The following ATG2B variants were observed in gnomAD, a reference collection of about 807,000 sequenced individuals.
ATG2B encodes autophagy-related protein 2 homolog B.
Under a neutral mutation model 241.3 loss-of-function variants are expected in ATG2B, and 121 were observed. The observed-to-expected ratio is 0.50, with a 90% CI of 0.43 to 0.58. The LOEUF is 0.58. Among genes scored for constraint, ATG2B ranks in the 20% least tolerant of loss-of-function variants. ATG2B has a pLI of 0.00. For synonymous variants in ATG2B, 858 were observed against 876.6 expected, an observed-to-expected ratio of 0.98 and a Z score of 0.37; for missense variants, 2,306 against 2,491.6, an observed-to-expected ratio of 0.93 and a Z score of 1.59.
rs1248347981 is a variant in ATG2B at position 96,340,089 on chromosome 14, TATATGCTATATAGA to T, written c.924+1419_924+1432del. Among the ~76,000 whole-genome samples, 62 of 105,282 alleles carry T rather than the reference TATATGCTATATAGA, an allele frequency of 5.9e-4. 11 individuals are homozygous for T. The Admixed American group carries it at 5.9e-3, about 10-fold the overall frequency. 69.1% of individuals were successfully genotyped at this position (105,282 alleles called of 152,430 possible). On this transcript the variant is annotated intron_variant, in intron 6 of 41. Transcript: ENST00000359933. ...CTATATGTGATATGATATATATGAA[TATATGCTATATAGA>T]ATATATGATATATATGAATATATAT...
intron 1 of ATG2B, among the ~76,000 whole-genome samples, chr14:96,360,910 A>T (rs4905485): frequency 0.33 from 47,129 of 142,368 alleles, 9,033 homozygotes; most frequent in Non-Finnish European, 0.43. Flanking sequence ...TTTGGCAACA[A>T]AGCAAGAGAA....
chr14:96,344,815 C>T, intron 3 of ATG2B, 59 bp from the exon 4 acceptor site: 3 of 704,370 alleles, frequency 4.3e-6, no homozygotes, highest in Non-Finnish European at 6.7e-6. Context: ...ATAAAAACCT[C>T]CAAAGAAATA....
chr14:96,352,070 G>A (rs1314213813), intron 1 of ATG2B, among the ~76,000 whole-genome samples: 1 of 152,126 alleles, frequency 6.6e-6, no homozygotes, highest in Non-Finnish European at 1.5e-5. Flanking sequence ...ATGCATCACA[G>A]AAGGACATCT....
At chr14:96,317,940 G>T in intron 18 of ATG2B, 85 bp from the exon 19 acceptor site, 1 of 1,021,228 alleles carries the variant, frequency 9.8e-7, no homozygotes, top group South Asian at 2.4e-5. Flanking sequence ...TTAAAAGATC[G>T]TATGAACAAT....
At chr14:96,340,007 C>T (rs967141888) in intron 6 of ATG2B, among the ~76,000 whole-genome samples, 6 of 148,738 alleles carry the variant, frequency 4.0e-5, no homozygotes, top group Non-Finnish European at 6.0e-5. Flanking sequence ...AGCTGCACTG[C>T]CATGTTTACA....
At chr14:96,315,308 TAAA>T in intron 22 of ATG2B, 73 bp downstream of exon 22, 1 of 1,584,500 alleles carries the variant, frequency 6.3e-7, no homozygotes, top group Non-Finnish European at 8.6e-7. Context: ...TCCAAGAAAA[TAAA>T]TATGTTGCCT....
rs1411373813 is a variant in ATG2B, at chr14:96,290,550, C to T, written c.5742G>A (p.Gln1914=). 3 of 1,614,100 alleles carry T rather than the reference C, an allele frequency of 1.9e-6. No homozygotes were observed. The highest frequency in any genetic ancestry group is 1.3e-5 in the African/African-American group (1 of 74,934). ...LKDLVWLPIE[Q]YRKDGRIVRG... ...TGACAATGCGGCCATCCTTCCGGTA[C>T]TGCTCTATTGGGAGCCAGACCAAGT... The change falls in exon 40 of 42, where the codon CAG becomes CAA. Residue 1914 remains glutamine (Q), a synonymous_variant. Transcript: ENST00000359933. This position sits in a 1 kb window ranked among gnomAD's most constrained non-coding sequence, Gnocchi z 4.4.
intron 38 of ATG2B, 77 bp downstream of exon 38, chr14:96,291,520 TAAG>T: frequency 9.4e-7 from 1 of 1,061,148 alleles, no homozygotes; most frequent in Non-Finnish European, 1.4e-6. Context: ...GTATGCATGC[TAAG>T]AAAACTCAGT....
rs1886444668 is a variant in ATG2B at position 96,290,118 on chromosome 14, T to C, written c.5857-313A>G. ...TTACTAGAATGATCTTTAATACTTC[T>C]GTTTAATCTACAACGCCTTCTTCAA... On this transcript the variant is annotated intron_variant, in intron 40 of 41. Coordinates refer to ENST00000359933, the MANE Select transcript of ATG2B (RefSeq NM_018036.7). The surrounding 1 kb of genome is among the most constrained non-coding windows in gnomAD (Gnocchi z 4.4). The C allele has an allele frequency of 4.0e-6, 5 of 1,239,770 alleles. No individual in the cohort carries two copies. The South Asian group carries it at 1.1e-4, about 28-fold the overall frequency. The allele number at this position is 1,239,770 out of a possible 1,614,324, so 76.8% of individuals were successfully genotyped here. A position where few individuals can be genotyped will look rare whatever the true frequency, so the allele number is the denominator to read the frequency against.
rs1469854220 is a variant in ATG2B at position 96,286,971 on chromosome 14, GA to G, written c.6007-987del. 2.0e-5 allele frequency among the ~76,000 whole-genome samples: 3 copies of G among 152,126 alleles called. No individual in the cohort carries two copies. In the East Asian group the frequency reaches 5.8e-4, roughly 29 times the overall value. ...CACAGAGCAATAAAAAAGATGTCCA[GA>G]AGGCCGGGCGCGGTGGCTCACACCT... On this transcript the variant is annotated intron_variant, in intron 41 of 41. Coordinates refer to ENST00000359933, the MANE Select transcript of ATG2B (RefSeq NM_018036.7).
intron 41 of ATG2B, among the ~76,000 whole-genome samples, chr14:96,287,253 C>A (rs75989341): frequency 0.014 from 1,072 of 78,010 alleles, 1 homozygote; most frequent in South Asian, 0.029. Context: ...GACTCCGTCT[C>A]AAAAAAAAAA....
At chr14:96,351,301 C>T (rs897236810) in intron 1 of ATG2B, among the ~76,000 whole-genome samples, 1 of 152,146 alleles carries the variant, frequency 6.6e-6, no homozygotes, top group African/African-American at 2.4e-5. Flanking sequence ...AATTTATTTC[C>T]AGTAAAAGTT....
In ATG2B at chr14:96,333,812, T is replaced by G. The variant is rs747499217; in HGVS notation, c.1083A>C (p.Glu361Asp). Residue 361 changes from glutamate to aspartate, a missense_variant, in exon 8 of 42, where the codon GAA becomes GAC. Coordinates refer to ENST00000359933, the MANE Select transcript of ATG2B (RefSeq NM_018036.7). ...ATTCCATCTGAATTCGATACTCGTC[T>G]TCCTGCTGCATGGGTCGATTTTTCC... is the stretch of plus-strand genomic sequence containing the variant. ...KDRKNRPMQQ[E>D]DEYRIQMELN... 1 of 1,614,004 alleles carries G rather than the reference T, an allele frequency of 6.2e-7. No homozygotes were observed. The highest frequency in any genetic ancestry group is 1.7e-5 in the Admixed American group (1 of 60,008).
chr14:96,323,899 G>T lies in ATG2B; in HGVS notation c.2537C>A (p.Pro846Gln). The change falls in exon 16 of 42, where the codon CCA becomes CAA. Residue 846 changes from proline to glutamine, a missense_variant. Physicochemically the swap from Pro to Gln is moderately conservative, Grantham distance 76. Coordinates refer to ENST00000359933, the MANE Select transcript of ATG2B (RefSeq NM_018036.7). ...ACCTATGCATTTGCTTACTCACCGT[G>T]GCCAGTCAAAGTCATCTGACGATGT... is the stretch of plus-strand genomic sequence containing the variant. ...DTTSSDDFDW[P>Q]RIVLKINPPA... 1 of 1,598,982 alleles carries T rather than the reference G, an allele frequency of 6.3e-7. No individual in the cohort carries two copies. Among genetic ancestry groups the T allele is most frequent in the Non-Finnish European group, 8.5e-7 (1 of 1,170,568 alleles).
intron 41 of ATG2B, among the ~76,000 whole-genome samples, chr14:96,287,821 A>C (rs971610005): frequency 2.0e-5 from 3 of 152,126 alleles, no homozygotes; most frequent in African/African-American, 7.2e-5. Context: ...AATCCTTTAA[A>C]ATTGTAAATA....
At chr14:96,362,744 G>A in intron 1 of ATG2B, 71 bp downstream of exon 1, 1 of 1,467,328 alleles carries the variant, frequency 6.8e-7, no homozygotes, top group Non-Finnish European at 9.2e-7. Flanking sequence ...CACCAATCTT[G>A]GATGGCACTG....
chr14:96,307,435 C>A (rs56017676), intron 29 of ATG2B, among the ~76,000 whole-genome samples: 31,685 of 151,426 alleles, frequency 0.21, 4,119 homozygotes, highest in Non-Finnish European at 0.28. Context: ...AAACAAAAAA[C>A]AACAACTAAT....
intron 4 of ATG2B, among the ~76,000 whole-genome samples, chr14:96,343,831 A>G (rs146694456): frequency 1.5e-4 from 23 of 152,340 alleles, no homozygotes; most frequent in African/African-American, 5.5e-4. Context: ...TAAATCTACT[A>G]TTTAAGGCAA....
At chr14:96,358,193 G>A (rs979493140) in intron 1 of ATG2B, among the ~76,000 whole-genome samples, 1 of 152,100 alleles carries the variant, frequency 6.6e-6, no homozygotes, top group East Asian at 1.9e-4. Flanking sequence ...CCAGAAACTG[G>A]GGGGGGCTGA....
Sources: gnomAD v4.1 joint callset for allele counts (sites outside exome capture counted in the v4.1 genomes callset) on GRCh38, gnomAD v4.1.1 for gene constraint, Gnocchi (gnomAD v3.1) non-coding constraint, MANE v1.5 for transcripts, NCBI Gene and HGNC (gene_info 2026-07-23, HGNC 2026-07-21) for gene names.